MYO5B: variants seen among roughly 807,000 people sequenced by gnomAD.
MYO5B encodes the protein unconventional myosin-Vb.
In MYO5B, 143 loss-of-function variants were observed where a neutral mutation model predicts 229.3. The ratio of observed to expected loss-of-function variants is 0.62; its 90% confidence interval spans 0.54 to 0.72. MYO5B has a LOEUF of 0.72. Ranked by LOEUF, MYO5B falls within the 30% of genes least tolerant of loss-of-function variation. MYO5B has a pLI of 0.00. For missense variants in MYO5B, 2,321 were observed against 2,331.0 expected (o/e 1.00, Z 0.09); for synonymous variants, 918 against 885.2 (o/e 1.04, Z -0.66).
chr18:49,886,209 G>C (rs1401050074), intron 22 of MYO5B, among the ~76,000 whole-genome samples: 3 of 152,164 alleles, frequency 2.0e-5, no homozygotes, highest in Non-Finnish European at 4.4e-5. Context: ...CAAAGTAGCT[G>C]GGTTTACAGA....
intron 1 of MYO5B, among the ~76,000 whole-genome samples, chr18:50,074,692 G>A (rs2031037670): frequency 6.6e-6 from 1 of 152,108 alleles, no homozygotes; most frequent in Admixed American, 6.5e-5. Flanking sequence ...GTAAAAACAG[G>A]TCTGTTAATC....
intron 1 of MYO5B, among the ~76,000 whole-genome samples, chr18:50,176,973 T>G (rs530124334): frequency 6.6e-6 from 1 of 152,338 alleles, no homozygotes; most frequent in African/African-American, 2.4e-5. Flanking sequence ...ACCATAGAAA[T>G]TGTAGCTAAC....
chr18:49,944,382 T>C (rs1295737502), intron 14 of MYO5B, among the ~76,000 whole-genome samples: 1 of 151,968 alleles, frequency 6.6e-6, no homozygotes, highest in Non-Finnish European at 1.5e-5. Flanking sequence ...AACAGATCCC[T>C]GGCTACAGCA....
At chr18:50,177,915 G>A (rs956868385) in intron 1 of MYO5B, among the ~76,000 whole-genome samples, 1 of 152,206 alleles carries the variant, frequency 6.6e-6, no homozygotes, top group Non-Finnish European at 1.5e-5. Context: ...CAGTAGAGGG[G>A]TGCCACAGCC....
intron 17 of MYO5B, among the ~76,000 whole-genome samples, chr18:49,913,746 C>A (rs1256331916): frequency 6.6e-6 from 1 of 152,070 alleles, no homozygotes. Context: ...TGCCTTTTGG[C>A]CCACCACACC....
intron 33 of MYO5B, among the ~76,000 whole-genome samples, chr18:49,846,240 T>C (rs17713794): frequency 0.063 from 9,616 of 152,250 alleles, 387 homozygotes; most frequent in Non-Finnish European, 0.086. Flanking sequence ...TTCCTCACTT[T>C]AATGAGCCTG....
intron 21 of MYO5B, among the ~76,000 whole-genome samples, chr18:49,898,830 C>T (rs1431657223): frequency 6.6e-6 from 1 of 152,222 alleles, no homozygotes; most frequent in Middle Eastern, 3.4e-3. Flanking sequence ...GGGTGCTAGC[C>T]TTACCCTGGT....
At position 50,050,408 on chromosome 18, in the gene MYO5B, G is replaced by T. The variant is rs375943706; in HGVS notation, c.138+4860C>A. On this transcript the variant is annotated intron_variant, in intron 2 of 39. Transcript: ENST00000285039. ...GACAATAGTCCTAGTGGTTTTGTGAGACTATAGCTTCTTGACATGAGGAAC... is the reference window on the plus strand; with the variant it reads ...GACAATAGTCCTAGTGGTTTTGTGATACTATAGCTTCTTGACATGAGGAAC... Among the ~76,000 whole-genome samples, 33 of 152,286 alleles carry T rather than the reference G, an allele frequency of 2.2e-4. No individual in the cohort carries two copies. In the East Asian group the frequency reaches 2.7e-3, roughly 12 times the overall value.
At chr18:50,095,785 G>C (rs1259206097) in intron 1 of MYO5B, among the ~76,000 whole-genome samples, 2 of 152,204 alleles carry the variant, frequency 1.3e-5, no homozygotes, top group Non-Finnish European at 2.9e-5. Context: ...ACATCCACCA[G>C]AACTTAGACA....
chr18:49,877,505 C>G (rs1309054824), intron 25 of MYO5B, among the ~76,000 whole-genome samples: 1 of 150,680 alleles, frequency 6.6e-6, no homozygotes, highest in Non-Finnish European at 1.5e-5. Context: ...CAAGAGGAAT[C>G]AGAGATCCAC....
intron 10 of MYO5B, among the ~76,000 whole-genome samples, chr18:49,972,983 C>A (rs2025707006): frequency 6.6e-6 from 1 of 152,156 alleles, no homozygotes; most frequent in Non-Finnish European, 1.5e-5. Flanking sequence ...AAAGATGCCT[C>A]CCTCACTTTC....
intron 16 of MYO5B, among the ~76,000 whole-genome samples, chr18:49,931,325 G>A (rs932969606): frequency 2.6e-5 from 4 of 152,052 alleles, no homozygotes; most frequent in East Asian, 3.9e-4. Flanking sequence ...TCCCCTCCAG[G>A]CTGTGCTCAC....
At chr18:50,101,349 G>A (rs2031651091) in intron 1 of MYO5B, among the ~76,000 whole-genome samples, 1 of 152,166 alleles carries the variant, frequency 6.6e-6, no homozygotes, top group East Asian at 1.9e-4. Context: ...GCACCAGCCA[G>A]GTATCCCTGA....
intron 1 of MYO5B, among the ~76,000 whole-genome samples, chr18:50,162,505 T>G (rs1166341669): frequency 2.0e-5 from 3 of 152,176 alleles, no homozygotes. Flanking sequence ...AAGAGCGTAT[T>G]TTCCATGAGA....
intron 25 of MYO5B, 84 bp downstream of exon 25, chr18:49,877,679 A>G: frequency 6.3e-7 from 1 of 1,589,684 alleles, no homozygotes; most frequent in Non-Finnish European, 8.6e-7. Context: ...GCAGAAGAGT[A>G]AATTTCTCTT....
intron 14 of MYO5B, among the ~76,000 whole-genome samples, chr18:49,939,396 G>A (rs998728156): frequency 6.6e-6 from 1 of 152,012 alleles, no homozygotes; most frequent in African/African-American, 2.4e-5. Flanking sequence ...CGCCCGCCTC[G>A]GCCTTCCAAA....
chr18:49,997,135 T>A (rs1182487273), intron 5 of MYO5B, among the ~76,000 whole-genome samples: 1 of 151,824 alleles, frequency 6.6e-6, no homozygotes, highest in East Asian at 1.9e-4. Flanking sequence ...GTCATGGTGG[T>A]GCACGTCTAG....
chr18:49,833,586 C>A (rs1380316108), intron 39 of MYO5B, among the ~76,000 whole-genome samples: 1 of 152,202 alleles, frequency 6.6e-6, no homozygotes, highest in Non-Finnish European at 1.5e-5. Flanking sequence ...ATTAAACCTG[C>A]AGTATGATGT....
chr18:50,138,299 A>G (rs966885919), intron 1 of MYO5B, among the ~76,000 whole-genome samples: 2 of 152,230 alleles, frequency 1.3e-5, no homozygotes, highest in East Asian at 1.9e-4. Context: ...AATCACTTCA[A>G]TCTCCACAAA....
Sources: gnomAD v4.1 joint callset for allele counts (sites outside exome capture counted in the v4.1 genomes callset) on GRCh38, gnomAD v4.1.1 for gene constraint, MANE v1.5 for transcripts, NCBI Gene and HGNC (gene_info 2026-07-23, HGNC 2026-07-21) for gene names.